Variants in RNF150 observed in about 807,000 individuals in gnomAD.
The protein encoded by RNF150 is ring finger protein 150.
In RNF150, 24 loss-of-function variants were observed where a neutral mutation model predicts 39.3. The ratio of observed to expected loss-of-function variants is 0.61; its 90% CI spans 0.44 to 0.86. RNF150 has a LOEUF of 0.86. Ranked by LOEUF, RNF150 falls within the 40% of genes least tolerant of loss-of-function variation. The pLI is 0.00. For missense variants in RNF150, 502 were observed against 587.8 expected, an observed-to-expected ratio of 0.85 and a Z score of 1.51; for synonymous variants, 255 against 227.3, an observed-to-expected ratio of 1.12 and a Z score of -1.10.
rs1283474351 is a variant in RNF150, at chr4:140,886,179, C to T, written c.1199-17800G>A. Among the ~76,000 whole-genome samples the T allele has an allele frequency of 6.9e-5, 8 of 116,140 alleles. No homozygotes were observed. The East Asian group carries it at 1.5e-3, about 22-fold the overall frequency. 76.2% of individuals were successfully genotyped at this position (116,140 alleles called of 152,430 possible). A position where few individuals can be genotyped will look rare whatever the true frequency, so the allele number is the denominator to read the frequency against. Reference sequence around the variant, plus strand: ...GCGCTCCAGCCTGGGCAACAGAGGGCGACTCCATCACAAAAAAAAAAAAAA... The same window carrying T: ...GCGCTCCAGCCTGGGCAACAGAGGGTGACTCCATCACAAAAAAAAAAAAAA... On this transcript the variant is annotated intron_variant, in intron 6 of 6. Coordinates refer to ENST00000515673, the MANE Select transcript of RNF150 (RefSeq NM_020724.2).
At chr4:141,156,872 A>C (rs556604551) in intron 1 of RNF150, among the ~76,000 whole-genome samples, 4 of 151,936 alleles carry the variant, frequency 2.6e-5, no homozygotes, top group Non-Finnish European at 4.4e-5. Flanking sequence ...GCACCACAGC[A>C]CTCCAGTCTG....
intron 1 of RNF150, among the ~76,000 whole-genome samples, chr4:141,124,507 T>C (rs1392752738): frequency 1.3e-5 from 2 of 152,246 alleles, no homozygotes; most frequent in Non-Finnish European, 2.9e-5. Flanking sequence ...GGAAAACATC[T>C]TTCCTCATCC....
intron 6 of RNF150, among the ~76,000 whole-genome samples, chr4:140,899,981 T>G (rs1730130747): frequency 1.4e-5 from 1 of 71,872 alleles, no homozygotes; most frequent in Non-Finnish European, 3.6e-5. Flanking sequence ...TCTCTGTGTG[T>G]GTGTGTGTGT....
At chr4:141,096,483 T>TC (rs1314775677) in intron 1 of RNF150, among the ~76,000 whole-genome samples, 14 of 151,972 alleles carry the variant, frequency 9.2e-5, no homozygotes, top group Admixed American at 3.3e-4. Context: ...CAGGCGTGAG[T>TC]CACCGTGCCC....
chr4:141,173,841 A>G (rs1299122320), intron 1 of RNF150, among the ~76,000 whole-genome samples: 1 of 152,274 alleles, frequency 6.6e-6, no homozygotes, highest in Non-Finnish European at 1.5e-5. Context: ...TATTTCAAGT[A>G]AAAAGTGAAA....
At chr4:141,146,348 G>C (rs1727200189) in intron 1 of RNF150, among the ~76,000 whole-genome samples, 2 of 152,096 alleles carry the variant, frequency 1.3e-5, no homozygotes, top group African/African-American at 4.8e-5. Flanking sequence ...CTTCCAGTAA[G>C]AATATTCACA....
chr4:140,870,018 C>T (rs1308761406), intron 6 of RNF150, among the ~76,000 whole-genome samples: 4 of 151,992 alleles, frequency 2.6e-5, no homozygotes, highest in South Asian at 2.1e-4. Context: ...TTCTGATAAT[C>T]GCTAATGTAA....
intron 1 of RNF150, among the ~76,000 whole-genome samples, chr4:141,206,393 C>T (rs1345874461): frequency 9.0e-5 from 12 of 133,162 alleles, no homozygotes; most frequent in Admixed American, 6.1e-4. Context: ...CACTCCAGCC[C>T]GGGTGACAAC....
intron 1 of RNF150, among the ~76,000 whole-genome samples, chr4:141,002,505 G>A (rs895913152): frequency 6.6e-6 from 1 of 152,128 alleles, no homozygotes; most frequent in Non-Finnish European, 1.5e-5. Flanking sequence ...CACTATTTCT[G>A]TCTTATGGAA....
chr4:141,067,110 T>C (rs772981419), intron 1 of RNF150, among the ~76,000 whole-genome samples: 5 of 152,214 alleles, frequency 3.3e-5, no homozygotes, highest in Admixed American at 6.5e-5. Flanking sequence ...ATATATGTGG[T>C]CCATCATTAC....
In RNF150 at chr4:141,070,614, A is replaced by G. The variant is rs900160542; in HGVS notation, c.484+61711T>C. Among the ~76,000 whole-genome samples, 6 of 150,854 alleles carry G rather than the reference A, an allele frequency of 4.0e-5. No individual in the cohort carries two copies. The Admixed American group carries it at 4.0e-4, about 10-fold the overall frequency. ...GTCAAAAGAAGACATTTATGCAGCC[A>G]AAAAACACATGAAAAAATGCTCACC... On this transcript the variant is annotated intron_variant, in intron 1 of 6. Transcript: ENST00000515673.
At chr4:141,123,553 T>G (rs534201011) in intron 1 of RNF150, among the ~76,000 whole-genome samples, 2 of 150,576 alleles carry the variant, frequency 1.3e-5, no homozygotes, top group East Asian at 3.9e-4. Context: ...ATGTAATCAT[T>G]TTATTTTTTT....
At chr4:140,874,919 C>T (rs1729091621) in intron 6 of RNF150, among the ~76,000 whole-genome samples, 1 of 152,132 alleles carries the variant, frequency 6.6e-6, no homozygotes, top group Non-Finnish European at 1.5e-5. Flanking sequence ...GCCTCCTTGG[C>T]CTCCCAAAAT....
At chr4:140,916,024 C>A (rs1272020370) in intron 5 of RNF150, among the ~76,000 whole-genome samples, 1 of 152,130 alleles carries the variant, frequency 6.6e-6, no homozygotes, top group Non-Finnish European at 1.5e-5. Context: ...GAAAGGACAT[C>A]CACACCAAAA....
rs190067310 is a variant in RNF150 at position 140,862,450 on chromosome 4, G to A, written c.*5811C>T. The A allele has an allele frequency of 1.7e-4, 26 of 152,112 alleles. No individual in the cohort carries two copies. The highest frequency in any genetic ancestry group is 5.6e-4 in the African/African-American group (23 of 41,372). The allele number at this position is 152,112 out of a possible 1,614,324, so 9.4% of individuals were successfully genotyped here. A position where few individuals can be genotyped will look rare whatever the true frequency, so the allele number is the denominator to read the frequency against. On this transcript the variant is annotated 3_prime_UTR_variant, in exon 7 of 7. Transcript: ENST00000515673. ...ACCTTAGCAGGTTCTTGTAGAACAA[G>A]CAGGATTGCAATCAAATTGCTCGAT...
chr4:140,871,528 C>A (rs1430398477), intron 6 of RNF150, among the ~76,000 whole-genome samples: 3 of 152,024 alleles, frequency 2.0e-5, no homozygotes, highest in Admixed American at 2.0e-4. Context: ...TTGCAGTGGC[C>A]CATCAATCAA....
intron 5 of RNF150, among the ~76,000 whole-genome samples, chr4:140,919,355 A>G (rs1731002086): frequency 7.2e-6 from 1 of 138,610 alleles, no homozygotes; most frequent in African/African-American, 2.7e-5. Flanking sequence ...ATACAAAATC[A>G]ATGTACAAAC....
At chr4:141,073,647 A>C (rs1216314162) in intron 1 of RNF150, among the ~76,000 whole-genome samples, 1 of 127,798 alleles carries the variant, frequency 7.8e-6, no homozygotes, top group East Asian at 2.1e-4. Context: ...GCCAGCAATT[A>C]ATACAATATC....
intron 1 of RNF150, among the ~76,000 whole-genome samples, chr4:141,065,018 A>G (rs931353646): frequency 2.0e-5 from 3 of 152,310 alleles, no homozygotes; most frequent in Admixed American, 2.0e-4. Context: ...GGCATGTGCT[A>G]CTACGCCTGG....
Sources: gnomAD v4.1 joint callset for allele counts (sites outside exome capture counted in the v4.1 genomes callset) on GRCh38, gnomAD v4.1.1 for gene constraint, MANE v1.5 for transcripts, NCBI Gene and HGNC (gene_info 2026-07-23, HGNC 2026-07-21) for gene names.